COQ2: variants seen among roughly 807,000 people sequenced by gnomAD.
COQ2 encodes the protein 4-hydroxybenzoate polyprenyltransferase, mitochondrial.
A neutral mutation model predicts 35.7 loss-of-function variants in COQ2; 25 were observed. That is an observed-to-expected ratio of 0.70 (90% CI 0.51 to 0.98). The LOEUF (loss-of-function observed/expected upper bound fraction) is 0.98. COQ2 is among the 50% of genes least tolerant of loss of function. The pLI is 0.00. For synonymous variants in COQ2, 206 were observed against 186.2 expected, an observed-to-expected ratio of 1.11 and a Z score of -0.86; for missense variants, 488 against 473.5, an observed-to-expected ratio of 1.03 and a Z score of -0.28.
At chr4:83,278,858 G>C (rs1735243397) in intron 2 of COQ2, 90 bp downstream of exon 2, 1 of 1,321,194 alleles carries the variant, frequency 7.6e-7, no homozygotes, top group Admixed American at 3.5e-5. Flanking sequence ...GAATGATCTT[G>C]TTGCTTTATA....
intron 6 of COQ2, among the ~76,000 whole-genome samples, chr4:83,265,750 G>T (rs1734903148): frequency 6.6e-6 from 1 of 151,754 alleles, no homozygotes; most frequent in Non-Finnish European, 1.5e-5. Flanking sequence ...TGTAACCTCT[G>T]CCTCCCAGGT....
intron 1 of COQ2, among the ~76,000 whole-genome samples, chr4:83,279,755 C>T (rs1735272371): frequency 6.6e-6 from 1 of 151,936 alleles, no homozygotes; most frequent in South Asian, 2.1e-4. Flanking sequence ...CACTCTATAC[C>T]CTGGCACCTT....
chr4:83,271,969 T>C (rs1735057229), intron 4 of COQ2, 118 bp downstream of exon 4: 1 of 679,296 alleles, frequency 1.5e-6, no homozygotes, highest in South Asian at 1.9e-5. Flanking sequence ...AAATCTACTA[T>C]TGGTTAGGAA....
intron 5 of COQ2, among the ~76,000 whole-genome samples, chr4:83,268,274 C>G (rs1734969794): frequency 6.6e-6 from 1 of 152,314 alleles, no homozygotes; most frequent in East Asian, 1.9e-4. Context: ...TTTCCCACTT[C>G]TAGCCCAACC....
At chr4:83,284,886 C>T, upstream of COQ2, 2 of 1,523,590 alleles carry the variant, frequency 1.3e-6, no homozygotes, top group African/African-American at 2.8e-5. Context: ...AGAACCTTTC[C>T]TCATCCTTAC....
intron 1 of COQ2, chr4:83,281,725 C>A: frequency 6.6e-6 from 1 of 152,192 alleles, no homozygotes; most frequent in East Asian, 1.9e-4. Context: ...TCACAACAAG[C>A]CTATTCGATA....
rs140429717 is a variant in COQ2 at position 83,275,427 on chromosome 4, T to A, written c.421-1810A>T. On this transcript the variant is annotated intron_variant, in intron 2 of 6. Transcript: ENST00000647002. ...CCTGCCAAGTAGGCTTTTTTTTTTT[T>A]AATTATTTTTTATTTTTTTCCTATC... 5.4e-3 allele frequency among the ~76,000 whole-genome samples: 781 copies of A among 144,342 alleles called. 5 individuals carry two copies. Among genetic ancestry groups the A allele is most frequent in the African/African-American group, 0.017 (646 of 39,122 alleles). The allele number at this position is 144,342 out of a possible 152,430, so 94.7% of individuals were successfully genotyped here. A position where few individuals can be genotyped will look rare whatever the true frequency, so the allele number is the denominator to read the frequency against.
upstream of COQ2, chr4:83,284,903 A>G: frequency 6.6e-7 from 1 of 1,518,124 alleles, no homozygotes; most frequent in Non-Finnish European, 8.8e-7. Context: ...TTACTTGTGA[A>G]ATTGGGGTCA....
intron 5 of COQ2, 64 bp from the exon 6 acceptor site, chr4:83,267,838 T>C: frequency 2.2e-6 from 3 of 1,340,594 alleles, no homozygotes; most frequent in Non-Finnish European, 3.0e-6. Context: ...AAAATTCACA[T>C]TTTGAAGTAT....
At chr4:83,284,894 T>C (rs1735435107), upstream of COQ2, 1 of 1,521,650 alleles carries the variant, frequency 6.6e-7, no homozygotes. Context: ...TCCTCATCCT[T>C]ACTTGTGAAA....
Position 83,270,009 on chromosome 4 carries a change from C to T in COQ2, c.629-16G>A. The T allele has an allele frequency of 6.2e-7, 1 of 1,611,348 alleles. No individual in the cohort carries two copies. ...AATGTCAAGCCTACAATTAGCAAAACACAAAAAGGGGGAAAGTCTGTATGT... is the reference window on the plus strand; with the variant it reads ...AATGTCAAGCCTACAATTAGCAAAATACAAAAAGGGGGAAAGTCTGTATGT... On this transcript the variant is annotated splice_polypyrimidine_tract_variant and intron_variant, in intron 4 of 6. Transcript: ENST00000647002.
At position 83,284,600 on chromosome 4, in the gene COQ2, C is replaced by G. The variant is rs747231025; in HGVS notation, c.165G>C (p.Gln55His). The change falls in exon 1 of 7, where the codon CAG becomes CAC. Residue 55 changes from glutamine to histidine, a missense_variant. Physicochemically the swap from Gln to His is conservative, Grantham distance 24. Transcript: ENST00000647002. ...PPACPEPRGR[Q>H]LSLSAAAVVD... ...CCACCGCCGCCGCGGACAAACTGAG[C>G]TGGCGCCCGCGCGGCTCGGGACAGG... is the stretch of plus-strand genomic sequence containing the variant. 2.3e-5 allele frequency: 35 copies of G among 1,537,120 alleles called. No individual in the cohort carries two copies. The highest frequency in any genetic ancestry group is 1.4e-5 in the African/African-American group (1 of 70,254).
intron 2 of COQ2, among the ~76,000 whole-genome samples, chr4:83,278,697 C>T (rs1424037837): frequency 2.0e-5 from 3 of 152,194 alleles, no homozygotes; most frequent in Admixed American, 2.0e-4. Flanking sequence ...CTCAGTCTTC[C>T]AAATTCTCAA....
In COQ2 at chr4:83,267,609, C is replaced by A. The variant is rs777986716; in HGVS notation, c.928G>T (p.Val310Leu). ...TAPYYAALGA[V>L]GAHLTHQIYT... ...ACCTGGTGAGTCAGATGGGCTCCTA[C>A]AGCACCCAGGGCAGCGTAGTAGGGA... is the stretch of plus-strand genomic sequence containing the variant. The change falls in exon 6 of 7, where the codon GTA becomes TTA. Residue 310 changes from valine (V) to leucine (L), a missense_variant. Transcript: ENST00000647002. 1 of 1,583,590 alleles carries A rather than the reference C, an allele frequency of 6.3e-7. No homozygotes were observed. The highest frequency in any genetic ancestry group is 1.2e-5 in the South Asian group (1 of 85,580).
In COQ2 at chr4:83,276,571, A is replaced by G. The variant is rs1442353651; in HGVS notation, c.420+2377T>C. Among the ~76,000 whole-genome samples, 29 of 152,190 alleles carry G rather than the reference A, an allele frequency of 1.9e-4. 1 individual carries two copies. Among genetic ancestry groups the G allele is most frequent in the Admixed American group, 1.9e-3 (29 of 15,282 alleles). On this transcript the variant is annotated intron_variant, in intron 2 of 6. Coordinates refer to ENST00000647002, the MANE Select transcript of COQ2 (RefSeq NM_001358921.2). ...AACAGATGTTGGTGAGGATGTGGAG[A>G]AAGGGGAACACTTATACACAGTTGG...
rs752608037 is a variant in COQ2 at position 83,264,296 on chromosome 4, C to T, written c.1019G>A (p.Gly340Glu). The change falls in exon 7 of 7, where the codon GGA becomes GAA. Residue 340 changes from glycine (G) to glutamate (E), a missense_variant. Coordinates refer to ENST00000647002, the MANE Select transcript of COQ2 (RefSeq NM_001358921.2). ...GACAATCCCTAAAAAAACTATTAGT[C>T]CCAGTGTTCGGTTGGAGATAAATTT... ...WNKFISNRTL[G>E]LIVFLGIVLG... 3 of 1,612,372 alleles carry T rather than the reference C, an allele frequency of 1.9e-6. No individual in the cohort carries two copies. In the Admixed American group the frequency reaches 5.0e-5, roughly 27 times the overall value.
At chr4:83,273,363 T>C (rs957826066) in intron 3 of COQ2, 133 bp downstream of exon 3, 6 of 861,856 alleles carry the variant, frequency 7.0e-6, no homozygotes, top group African/African-American at 6.9e-5. Flanking sequence ...GTGAGTTACT[T>C]ACACTTGCTA....
In COQ2 at chr4:83,284,719, C is replaced by A. The variant is rs6818847; in HGVS notation, c.46G>T (p.Val16Leu). The A allele has an allele frequency of 0.69, 1,041,140 of 1,506,450 alleles. 363,568 individuals are homozygous for A. The highest frequency in any genetic ancestry group is 0.88 in the East Asian group (32,271 of 36,546). The allele number at this position is 1,506,450 out of a possible 1,614,324, so 93.3% of individuals were successfully genotyped here. A position where few individuals can be genotyped will look rare whatever the true frequency, so the allele number is the denominator to read the frequency against. ...AAGFARGLRA[V>L]ALAWLPGWRG... ...CAGCCCGGCAGCCACGCCAGTGCCA[C>A]AGCCCGCAGGCCCCGCGCGAACCCC... Residue 16 changes from valine (V) to leucine (L), a missense_variant, in exon 1 of 7, where the codon GTG (valine) becomes TTG (leucine). Coordinates refer to ENST00000647002, the MANE Select transcript of COQ2 (RefSeq NM_001358921.2).
chr4:83,282,936 G>C (rs1042931319), intron 1 of COQ2, among the ~76,000 whole-genome samples: 11 of 152,162 alleles, frequency 7.2e-5, no homozygotes, highest in African/African-American at 2.7e-4. Context: ...GGGAATAATG[G>C]CAGATGTTCA....
Sources: allele counts gnomAD v4.1 joint callset (sites outside exome capture counted in the v4.1 genomes callset), GRCh38; gene constraint gnomAD v4.1.1; transcripts MANE v1.5; gene names NCBI Gene and HGNC (gene_info 2026-07-23, HGNC 2026-07-21).